Variants in IMPA1 observed in about 807,000 individuals in gnomAD.
IMPA1 encodes the protein inositol monophosphatase 1.
IMPA1 carries 21 observed loss-of-function variants against 34.9 expected under a neutral mutation model. That is an observed-to-expected ratio of 0.60 (90% CI 0.43 to 0.87). IMPA1 has a LOEUF of 0.87. IMPA1 is among the 40% of genes least tolerant of loss of function. The pLI is 0.00. For missense variants in IMPA1, 299 were observed against 336.4 expected (o/e 0.89, Z 0.87); for synonymous variants, 95 against 104.4 (o/e 0.91, Z 0.55).
chr8:81,683,229 C>T (rs1807351781), intron 1 of IMPA1, among the ~76,000 whole-genome samples: 1 of 152,154 alleles, frequency 6.6e-6, no homozygotes, highest in Admixed American at 6.5e-5. Context: ...TGGGGATCAT[C>T]CTCTACAGGG....
intron 7 of IMPA1, among the ~76,000 whole-genome samples, chr8:81,664,026 T>G (rs566019026): frequency 6.6e-6 from 1 of 151,778 alleles, no homozygotes; most frequent in African/African-American, 2.4e-5. Flanking sequence ...CGACAGAGAC[T>G]CCGTCTCAGA....
Position 81,680,846 on chromosome 8 carries a change from A to G in IMPA1, c.64-63T>C. The G allele has an allele frequency of 3.2e-6, 4 of 1,245,668 alleles. No homozygotes were observed. In the South Asian group the frequency reaches 5.2e-5, roughly 16 times the overall value. 77.2% of individuals were successfully genotyped at this position (1,245,668 alleles called of 1,614,324 possible). ...AATTTTAAACAAAAAGATAAAATAC[A>G]TAAATGGTTTAAGACATTCAATCTG... On this transcript the variant is annotated intron_variant, in intron 2 of 8. Transcript: ENST00000256108.
intron 7 of IMPA1, among the ~76,000 whole-genome samples, chr8:81,663,937 A>G (rs758249172): frequency 4.7e-4 from 71 of 152,192 alleles, no homozygotes; most frequent in Non-Finnish European, 9.0e-4. Flanking sequence ...TACTCCAGAG[A>G]CAAAGGCAGG....
chr8:81,676,769 G>GCA lies in IMPA1; in HGVS notation c.303-491_303-490insTG, dbSNP rs531585110. On this transcript the variant is annotated intron_variant, in intron 4 of 8. Transcript: ENST00000256108. ...GCAGGCCAAAGCAGGAAGATCACTT[G>GCA]GGCCCAGGAGTTCGAGACCAGCCTG... Among the ~76,000 whole-genome samples the GCA allele has an allele frequency of 4.8e-3, 724 of 152,258 alleles. 3 individuals carry two copies. The highest frequency in any genetic ancestry group is 8.3e-3 in the South Asian group (40 of 4,828).
At chr8:81,685,752 A>C in intron 1 of IMPA1, 1 of 1,503,096 alleles carries the variant, frequency 6.7e-7, no homozygotes, top group Non-Finnish European at 8.9e-7. Flanking sequence ...CAGGGTCCGT[A>C]GTTTACTCAC....
chr8:81,660,694 T>C, intron 7 of IMPA1, 27 bp from the exon 8 acceptor site: 3 of 1,573,948 alleles, frequency 1.9e-6, no homozygotes, highest in East Asian at 2.2e-5. Context: ...AGAAATAAAA[T>C]TGGAAAAAAT....
intron 7 of IMPA1, among the ~76,000 whole-genome samples, chr8:81,668,352 A>T (rs2130268779): frequency 6.6e-6 from 1 of 152,328 alleles, no homozygotes; most frequent in African/African-American, 2.4e-5. Flanking sequence ...TGGGAAGCCA[A>T]CTTGGGCAGA....
intron 7 of IMPA1, among the ~76,000 whole-genome samples, chr8:81,663,701 G>C (rs752047131): frequency 2.0e-5 from 3 of 152,140 alleles, no homozygotes; most frequent in Non-Finnish European, 4.4e-5. Context: ...GTTCAATAAA[G>C]GATTTTTATT....
chr8:81,672,689 T>C (rs1807020774), intron 6 of IMPA1, among the ~76,000 whole-genome samples: 1 of 152,138 alleles, frequency 6.6e-6, no homozygotes, highest in African/African-American at 2.4e-5. Flanking sequence ...CCAAATAAAC[T>C]CTCTACATTA....
rs779780582 is a variant in IMPA1 at position 81,659,437 on chromosome 8, C to T, written c.748G>A (p.Val250Ile). The change falls in exon 9 of 9, where the codon GTA (valine) becomes ATA (isoleucine). Residue 250 changes from valine to isoleucine, a missense_variant. Physicochemically the swap from Val to Ile is conservative, Grantham distance 29 (BLOSUM62 3). Transcript: ENST00000256108. ...GGPFDLMSRR[V>I]IAANNRILAE... ...AATATTCTATTATTTGCAGCAATTA[C>T]TCTTCGTGACATCAAATCAAATGGT... The T allele has an allele frequency of 4.4e-6, 7 of 1,608,590 alleles. No individual in the cohort carries two copies. The East Asian group carries it at 1.1e-4, about 26-fold the overall frequency.
chr8:81,680,786 A>G lies in IMPA1; in HGVS notation c.64-3T>C. 1 of 1,592,796 alleles carries G rather than the reference A, an allele frequency of 6.3e-7. No individual in the cohort carries two copies. Among genetic ancestry groups the G allele is most frequent in the Non-Finnish European group, 8.6e-7 (1 of 1,166,252 alleles). ...TTTTTTATAGCTTCACAAACTACCT[A>G]AAAAGAGGTTTTGGTAAGCAAATAG... is the stretch of plus-strand genomic sequence containing the variant. On this transcript the variant is annotated splice_polypyrimidine_tract_variant and splice_region_variant and intron_variant, in intron 2 of 8. Coordinates refer to ENST00000256108, the MANE Select transcript of IMPA1 (RefSeq NM_005536.4).
At chr8:81,684,235 C>T (rs1194587948) in intron 1 of IMPA1, among the ~76,000 whole-genome samples, 2 of 141,194 alleles carry the variant, frequency 1.4e-5, no homozygotes, top group African/African-American at 2.7e-5. Context: ...GTATATATAC[C>T]ATACATAAGT....
intron 5 of IMPA1, chr8:81,674,457 C>T (rs1187096038): frequency 3.0e-5 from 7 of 236,332 alleles, no homozygotes; most frequent in Admixed American, 2.1e-4. Context: ...GGCTTCTGCC[C>T]TGATCACTCA....
intron 3 of IMPA1, among the ~76,000 whole-genome samples, chr8:81,680,101 C>T (rs1807249915): frequency 6.7e-6 from 1 of 149,850 alleles, no homozygotes; most frequent in African/African-American, 2.5e-5. Context: ...TGCCACTGCA[C>T]TCCAGCCTGC....
intron 7 of IMPA1, 54 bp downstream of exon 7, chr8:81,670,885 G>T (rs1806966777): frequency 1.2e-6 from 1 of 851,104 alleles, no homozygotes; most frequent in Non-Finnish European, 1.8e-6. Context: ...AAAAAGGTGT[G>T]TGCACACACA....
intron 8 of IMPA1, among the ~76,000 whole-genome samples, chr8:81,660,184 T>C (rs1806624716): frequency 6.6e-6 from 1 of 152,202 alleles, no homozygotes; most frequent in South Asian, 2.1e-4. Flanking sequence ...AAAGTTGTGT[T>C]GGGCCACATT....
intron 5 of IMPA1, 55 bp from the exon 6 acceptor site, chr8:81,674,004 T>C (rs1807065446): frequency 1.9e-6 from 2 of 1,071,486 alleles, no homozygotes; most frequent in African/African-American, 1.6e-5. Context: ...CATCCACTTT[T>C]TTCTAAGAAA....
At chr8:81,675,704 C>T (rs1807111419) in intron 5 of IMPA1, among the ~76,000 whole-genome samples, 1 of 152,178 alleles carries the variant, frequency 6.6e-6, no homozygotes, top group African/African-American at 2.4e-5. Flanking sequence ...ACTAAGGAGC[C>T]AAACAGCAAG....
chr8:81,663,753 T>G (rs181746684), intron 7 of IMPA1, among the ~76,000 whole-genome samples: 1 of 152,314 alleles, frequency 6.6e-6, no homozygotes, highest in Admixed American at 6.5e-5. Flanking sequence ...GAAATACTAT[T>G]TAATGGCGGG....
Sources: gnomAD v4.1 joint callset for allele counts (sites outside exome capture counted in the v4.1 genomes callset) on GRCh38, gnomAD v4.1.1 for gene constraint, MANE v1.5 for transcripts, NCBI Gene and HGNC (gene_info 2026-07-23, HGNC 2026-07-21) for gene names.